FUT8: variants seen among roughly 807,000 people sequenced by gnomAD.
The protein encoded by FUT8 is alpha-(1,6)-fucosyltransferase.
In FUT8, 29 loss-of-function variants were observed where a neutral mutation model predicts 71.3. The observed-to-expected ratio is 0.41, with a 90% confidence interval of 0.30 to 0.55. FUT8 has a LOEUF of 0.55. FUT8 is among the 20% of genes least tolerant of loss of function. The probability of loss-of-function intolerance (pLI) is 0.34; values close to 1 mark genes in which losing one functional copy is unlikely to be tolerated. For missense variants in FUT8, 544 were observed against 702.1 expected (o/e 0.77, Z 2.55); for synonymous variants, 254 against 239.3 (o/e 1.06, Z -0.57).
chr14:65,684,736 C>G (rs1008151582), intron 7 of FUT8, among the ~76,000 whole-genome samples: 5 of 152,136 alleles, frequency 3.3e-5, no homozygotes, highest in Non-Finnish European at 7.3e-5. Flanking sequence ...TCTGGCATTT[C>G]CCCTGCTCTC....
intron 3 of FUT8, among the ~76,000 whole-genome samples, chr14:65,614,336 A>G (rs1889170008): frequency 6.6e-6 from 1 of 152,246 alleles, no homozygotes; most frequent in Non-Finnish European, 1.5e-5. Flanking sequence ...TCCTCATTTA[A>G]ATAGACTTTG....
intron 7 of FUT8, among the ~76,000 whole-genome samples, chr14:65,681,189 A>G (rs1893017334): frequency 6.6e-6 from 1 of 152,180 alleles, no homozygotes. Flanking sequence ...CTCATTGCCT[A>G]ATACTACTGG....
intron 1 of FUT8, among the ~76,000 whole-genome samples, chr14:65,454,110 A>G (rs1364712644): frequency 6.6e-6 from 1 of 152,234 alleles, no homozygotes; most frequent in Non-Finnish European, 1.5e-5. Flanking sequence ...TCTGAGGGTA[A>G]ATCTGTTACC....
chr14:65,581,040 T>G lies in FUT8; in HGVS notation c.203+19274T>G, dbSNP rs149935441. Among the ~76,000 whole-genome samples, 25 of 152,238 alleles carry G rather than the reference T, an allele frequency of 1.6e-4. No homozygotes were observed. The East Asian group carries it at 4.4e-3, about 27-fold the overall frequency. On this transcript the variant is annotated intron_variant, in intron 3 of 10. Transcript: ENST00000673929. The stretch of plus-strand genomic sequence containing the variant: ...TACTATTTCTAGAGTCCATTTAGCT[T>G]ACAATAAACTTGCTGGTTTTTATAG...
intron 2 of FUT8, among the ~76,000 whole-genome samples, chr14:65,508,652 C>T (rs1025859425): frequency 6.6e-5 from 10 of 151,630 alleles, no homozygotes; most frequent in African/African-American, 2.4e-4. Context: ...AGGTGCCTGC[C>T]ACCACGCCCA....
At chr14:65,727,291 A>G (rs533915723) in intron 9 of FUT8, among the ~76,000 whole-genome samples, 1 of 152,266 alleles carries the variant, frequency 6.6e-6, no homozygotes, top group South Asian at 2.1e-4. Context: ...CTACTGCCCT[A>G]GCAGAGGTTT....
the FUT8 span, among the ~76,000 whole-genome samples, chr14:65,402,320 C>A: frequency 6.7e-6 from 1 of 150,108 alleles, no homozygotes; most frequent in African/African-American, 2.5e-5. Context: ...CCCACCTCAG[C>A]CTACAAAGTA....
rs12435769 is a variant in FUT8, at chr14:65,691,627, C to T, written c.835+22147C>T. ...TTTATTTATTTATTTATTTATTGAT[C>T]ATTCTTGGGTGTTTCTCGCAGAGGG... On this transcript the variant is annotated intron_variant, in intron 7 of 10. Transcript: ENST00000673929. Among the ~76,000 whole-genome samples the T allele has an allele frequency of 5.9e-3, 888 of 150,164 alleles. 34 individuals are homozygous for T. In the East Asian group the frequency reaches 0.094, roughly 16 times the overall value.
At chr14:65,411,807 G>A, upstream of FUT8, 1 of 337,762 alleles carries the variant, frequency 3.0e-6, no homozygotes, top group Non-Finnish European at 5.8e-6. Flanking sequence ...TGGCCGGCTC[G>A]CACTCCACTC....
chr14:65,566,127 C>T (rs894995172), intron 3 of FUT8, among the ~76,000 whole-genome samples: 1 of 151,856 alleles, frequency 6.6e-6, no homozygotes, highest in Non-Finnish European at 1.5e-5. Context: ...CCAAGATGAC[C>T]TCACTTACAT....
intron 2 of FUT8, among the ~76,000 whole-genome samples, chr14:65,540,145 A>G (rs1257650576): frequency 1.3e-5 from 2 of 152,230 alleles, no homozygotes; most frequent in Non-Finnish European, 2.9e-5. Flanking sequence ...AAGATATGAT[A>G]TAAAACTTTT....
At chr14:65,409,911 G>C (rs73282279), upstream of FUT8, among the ~76,000 whole-genome samples, 1,507 of 152,298 alleles carry the variant, frequency 9.9e-3, 24 homozygotes, top group African/African-American at 0.035. The surrounding 1 kb of genome is among the most constrained non-coding windows in gnomAD (Gnocchi z 5.4). Context: ...AGTTTGGTGA[G>C]GGAGGGGTGG....
intron 2 of FUT8, among the ~76,000 whole-genome samples, chr14:65,459,147 A>G (rs576203424): frequency 7.2e-5 from 11 of 152,178 alleles, no homozygotes; most frequent in South Asian, 6.2e-4. Flanking sequence ...TTTTAGAGCT[A>G]TTTCTGAAAG....
At chr14:65,420,726 A>G (rs1384970509) in intron 1 of FUT8, among the ~76,000 whole-genome samples, 1 of 152,078 alleles carries the variant, frequency 6.6e-6, no homozygotes, top group Non-Finnish European at 1.5e-5. Flanking sequence ...TTTGGGGCAC[A>G]GACCCCCATC....
chr14:65,698,992 AAGATTTT>A (rs547883108), intron 7 of FUT8, among the ~76,000 whole-genome samples: 117 of 152,252 alleles, frequency 7.7e-4, no homozygotes, highest in African/African-American at 2.6e-3. Flanking sequence ...CTGAAAGCCA[AAGATTTT>A]CTGTACCACT....
intron 7 of FUT8, among the ~76,000 whole-genome samples, chr14:65,700,132 A>G (rs1361998537): frequency 1.3e-5 from 2 of 152,156 alleles, no homozygotes; most frequent in African/African-American, 2.4e-5. Flanking sequence ...CTGAAGCCTA[A>G]GAAGAGCATT....
chr14:65,659,723 C>T (rs990186833), intron 6 of FUT8, among the ~76,000 whole-genome samples: 3 of 152,008 alleles, frequency 2.0e-5, no homozygotes, highest in Non-Finnish European at 4.4e-5. Flanking sequence ...GCCTTTCTTC[C>T]CCTCTGTTCT....
chr14:65,528,325 C>T (rs190002888), intron 2 of FUT8, among the ~76,000 whole-genome samples: 13 of 152,300 alleles, frequency 8.5e-5, no homozygotes, highest in East Asian at 3.9e-4. Flanking sequence ...AGCAAGGCTC[C>T]GTGGACATGG....
At chr14:65,517,773 GAT>G (rs1454640547) in intron 2 of FUT8, among the ~76,000 whole-genome samples, 1 of 152,086 alleles carries the variant, frequency 6.6e-6, no homozygotes, top group Admixed American at 6.6e-5. Flanking sequence ...TTTTGTTGTG[GAT>G]ACATTTCTTA....
Sources: allele counts gnomAD v4.1 joint callset (sites outside exome capture counted in the v4.1 genomes callset), GRCh38; gene constraint gnomAD v4.1.1; non-coding constraint Gnocchi (gnomAD v3.1); transcripts MANE v1.5; gene names NCBI Gene and HGNC (gene_info 2026-07-23, HGNC 2026-07-21).